Variants in FGD3 observed in about 807,000 individuals in gnomAD.
FGD3 encodes FYVE, RhoGEF and PH domain-containing protein 3.
Under a neutral mutation model 71.8 loss-of-function variants are expected in FGD3, and 45 were observed. The observed-to-expected ratio is 0.63, with a 90% CI of 0.49 to 0.80. The LOEUF (loss-of-function observed/expected upper bound fraction) is 0.80. Ranked by LOEUF, FGD3 falls within the 30% of genes least tolerant of loss-of-function variation. FGD3 has a pLI of 0.00. For missense variants in FGD3, 844 were observed against 951.5 expected (o/e 0.89, Z 1.49); for synonymous variants, 378 against 392.8 (o/e 0.96, Z 0.44).
chr9:92,965,454 C>G (rs1009516963), intron 1 of FGD3, among the ~76,000 whole-genome samples: 1 of 152,174 alleles, frequency 6.6e-6, no homozygotes, highest in African/African-American at 2.4e-5. Flanking sequence ...GTGGGGCTGA[C>G]CAGCTGGGTG....
At chr9:93,011,543 G>A (rs1861380909) in intron 8 of FGD3, among the ~76,000 whole-genome samples, 1 of 152,194 alleles carries the variant, frequency 6.6e-6, no homozygotes, top group African/African-American at 2.4e-5. Context: ...TGTCTCACTG[G>A]GCATCTGTGG....
intron 3 of FGD3, among the ~76,000 whole-genome samples, chr9:92,983,548 A>C (rs958853050): frequency 1.3e-5 from 2 of 152,204 alleles, no homozygotes; most frequent in African/African-American, 4.8e-5. Flanking sequence ...AACGAAAAAC[A>C]GTTATCATTA....
intron 14 of FGD3, among the ~76,000 whole-genome samples, chr9:93,028,954 C>G (rs1368852381): frequency 6.7e-6 from 1 of 149,414 alleles, no homozygotes; most frequent in Non-Finnish European, 1.5e-5. Context: ...AGCCCCTGAC[C>G]CTGGCCTCAG....
chr9:93,003,043 A>G lies in FGD3; in HGVS notation c.543+29A>G, dbSNP rs1860917642. ...GCCCACATGGCTTGGGGGCAGTTTC[A>G]GTATCTCTTAGCATTGGCTGGGCAT... On this transcript the variant is annotated intron_variant, in intron 4 of 17. Coordinates refer to ENST00000375482, the MANE Select transcript of FGD3 (RefSeq NM_001083536.2). This position sits in a 1 kb window ranked among gnomAD's most constrained non-coding sequence, Gnocchi z 4.1. The G allele has an allele frequency of 6.3e-7, 1 of 1,596,384 alleles. No homozygotes were observed. The highest frequency in any genetic ancestry group is 1.3e-5 in the African/African-American group (1 of 74,536).
At chr9:92,963,292 T>A (rs1369894113) in intron 1 of FGD3, among the ~76,000 whole-genome samples, 1 of 152,094 alleles carries the variant, frequency 6.6e-6, no homozygotes. Flanking sequence ...ATTGCTTTTA[T>A]TTATTTATTT....
chr9:93,014,417 C>T (rs1009056418), intron 9 of FGD3, among the ~76,000 whole-genome samples: 1 of 152,020 alleles, frequency 6.6e-6, no homozygotes, highest in African/African-American at 2.4e-5. Flanking sequence ...AATTCGAGAC[C>T]CCCCCGGGTG....
At chr9:93,018,849 C>T (rs139487979) in intron 11 of FGD3, among the ~76,000 whole-genome samples, 14 of 152,176 alleles carry the variant, frequency 9.2e-5, no homozygotes, top group African/African-American at 2.9e-4. Flanking sequence ...GAGTATCCTA[C>T]GATTTTCTTT....
chr9:92,988,254 C>T (rs1408410742), intron 3 of FGD3, among the ~76,000 whole-genome samples: 1 of 152,194 alleles, frequency 6.6e-6, no homozygotes, highest in African/African-American at 2.4e-5. Context: ...AAGGCTCCAC[C>T]CTGCATAAGG....
intron 13 of FGD3, among the ~76,000 whole-genome samples, chr9:93,021,677 A>G (rs1861925799): frequency 2.6e-5 from 4 of 151,414 alleles, no homozygotes; most frequent in Admixed American, 2.6e-4. Flanking sequence ...CTGAATCCCA[A>G]CTCCAGGCTG....
intron 1 of FGD3, among the ~76,000 whole-genome samples, chr9:92,955,116 A>G (rs546950009): frequency 6.6e-6 from 1 of 152,300 alleles, no homozygotes; most frequent in Non-Finnish European, 1.5e-5. Context: ...GCTCCCAATC[A>G]TTGTAGAGGC....
chr9:92,962,492 C>T (rs574792405), intron 1 of FGD3, among the ~76,000 whole-genome samples: 80 of 152,306 alleles, frequency 5.3e-4, no homozygotes, highest in African/African-American at 1.8e-3. Context: ...GACTCCAGGG[C>T]CCCGGCATTG....
intron 3 of FGD3, among the ~76,000 whole-genome samples, chr9:92,989,779 A>G (rs2118641024): frequency 6.6e-6 from 1 of 152,292 alleles, no homozygotes; most frequent in East Asian, 1.9e-4. Flanking sequence ...GGAGATATTT[A>G]ACCTTTCATC....
At chr9:92,979,268 T>C (rs1404505665) in intron 3 of FGD3, among the ~76,000 whole-genome samples, 1 of 152,204 alleles carries the variant, frequency 6.6e-6, no homozygotes, top group Non-Finnish European at 1.5e-5. Flanking sequence ...TTTATTATAT[T>C]GAGGTAGTTT....
chr9:93,027,619 C>G (rs1445645278), intron 14 of FGD3, among the ~76,000 whole-genome samples: 1 of 151,990 alleles, frequency 6.6e-6, no homozygotes, highest in African/African-American at 2.4e-5. Context: ...GGACATAGTT[C>G]AGCCCATCAC....
chr9:92,994,341 A>G (rs979180095), intron 3 of FGD3, among the ~76,000 whole-genome samples: 10 of 151,990 alleles, frequency 6.6e-5, no homozygotes, highest in Non-Finnish European at 1.2e-4. Context: ...AAATTTGTTT[A>G]AGTTCATTGT....
At chr9:92,977,068 C>T (rs2118578293) in intron 3 of FGD3, among the ~76,000 whole-genome samples, 1 of 152,278 alleles carries the variant, frequency 6.6e-6, no homozygotes, top group Middle Eastern at 3.4e-3. Flanking sequence ...TTATGAAACT[C>T]CTGGGAGGAG....
At chr9:93,013,165 C>A (rs111434167) in intron 8 of FGD3, among the ~76,000 whole-genome samples, 1 of 152,338 alleles carries the variant, frequency 6.6e-6, no homozygotes, top group African/African-American at 2.4e-5. Flanking sequence ...TGGTGCCCCC[C>A]ACACCCTGTG....
intron 3 of FGD3, among the ~76,000 whole-genome samples, chr9:92,998,856 G>A (rs138549416): frequency 1.3e-3 from 203 of 152,258 alleles, no homozygotes; most frequent in Non-Finnish European, 2.7e-3. Context: ...AGGGGCACCC[G>A]GCTGTATGGG....
At position 93,010,154 on chromosome 9, in the gene FGD3, C is replaced by T. The variant is rs1237271279; in HGVS notation, c.838-92C>T. 7 of 1,475,386 alleles carry T rather than the reference C, an allele frequency of 4.7e-6. 1 individual carries two copies. The highest frequency in any genetic ancestry group is 2.4e-5 in the East Asian group (1 of 42,110). The allele number at this position is 1,475,386 out of a possible 1,614,324, so 91.4% of individuals were successfully genotyped here. A position where few individuals can be genotyped will look rare whatever the true frequency, so the allele number is the denominator to read the frequency against. On this transcript the variant is annotated intron_variant, in intron 6 of 17. Coordinates refer to ENST00000375482, the MANE Select transcript of FGD3 (RefSeq NM_001083536.2). Reference sequence around the variant, plus strand: ...TCAGTTCTGGGCAGCCAGTTCCGGGCAGCTTCCTGGGGCTGTGGTGGCCAG... The same window carrying T: ...TCAGTTCTGGGCAGCCAGTTCCGGGTAGCTTCCTGGGGCTGTGGTGGCCAG...
Sources: gnomAD v4.1 joint callset for allele counts (sites outside exome capture counted in the v4.1 genomes callset) on GRCh38, gnomAD v4.1.1 for gene constraint, Gnocchi (gnomAD v3.1) non-coding constraint, MANE v1.5 for transcripts, NCBI Gene and HGNC (gene_info 2026-07-23, HGNC 2026-07-21) for gene names.